The following PDS5B variants were observed in gnomAD, a reference collection of about 807,000 sequenced individuals.
PDS5B encodes the protein sister chromatid cohesion protein PDS5 homolog B.
A neutral mutation model predicts 184.1 loss-of-function variants in PDS5B; 51 were observed. The observed-to-expected ratio is 0.28, with a 90% confidence interval of 0.22 to 0.35. The LOEUF (loss-of-function observed/expected upper bound fraction) is 0.35. Ranked by LOEUF, PDS5B falls within the 10% of genes least tolerant of loss-of-function variation. The pLI is 1.00. For missense variants in PDS5B, 1,180 were observed against 1,723.3 expected (o/e 0.68, Z 5.58); for synonymous variants, 566 against 569.2 (o/e 0.99, Z 0.08).
At chr13:32,735,380 A>G (rs754168721) in intron 21 of PDS5B, 50 bp downstream of exon 21, 4 of 1,294,312 alleles carry the variant, frequency 3.1e-6, no homozygotes, top group East Asian at 2.4e-5. Flanking sequence ...AACTTTTGCA[A>G]TTTTATCCAA....
chr13:32,657,157 T>C (rs1217116089), intron 3 of PDS5B, among the ~76,000 whole-genome samples: 1 of 152,208 alleles, frequency 6.6e-6, no homozygotes, highest in East Asian at 1.9e-4. Context: ...AATAATCTAA[T>C]TCTGTCAGTG....
intron 17 of PDS5B, among the ~76,000 whole-genome samples, chr13:32,704,469 C>T (rs897893590): frequency 3.3e-5 from 5 of 152,356 alleles, no homozygotes; most frequent in African/African-American, 1.2e-4. Flanking sequence ...GTGCCCCGGC[C>T]TTGACCCAGT....
intron 17 of PDS5B, among the ~76,000 whole-genome samples, chr13:32,705,649 T>C (rs1470438503): frequency 6.6e-6 from 1 of 152,204 alleles, no homozygotes; most frequent in Non-Finnish European, 1.5e-5. Flanking sequence ...GTATAAATGA[T>C]TATTTTAGAT....
chr13:32,659,075 A>T, intron 5 of PDS5B, 79 bp from the exon 6 acceptor site: 1 of 1,003,382 alleles, frequency 1.0e-6, no homozygotes, highest in East Asian at 2.7e-5. Flanking sequence ...TGTAAAGCAT[A>T]ATGCTTGTCA....
At chr13:32,702,635 G>C (rs904977401) in intron 17 of PDS5B, among the ~76,000 whole-genome samples, 1 of 152,132 alleles carries the variant, frequency 6.6e-6, no homozygotes, top group African/African-American at 2.4e-5. Context: ...TGTTTTTATA[G>C]AAGTGCCATT....
chr13:32,613,575 T>A (rs2058174105), intron 1 of PDS5B, among the ~76,000 whole-genome samples: 1 of 152,220 alleles, frequency 6.6e-6, no homozygotes, highest in Non-Finnish European at 1.5e-5. Flanking sequence ...TGCCCATTTT[T>A]AAATTGGGTC....
At position 32,620,675 on chromosome 13, in the gene PDS5B, A is replaced by T. The variant is rs1361271693; in HGVS notation, c.-19-28079A>T. ...CCGTCTCAAAAAAAAAAAAAAAAAA[A>T]GTGGTAGTGATAACGGGATTCTGAT... On this transcript the variant is annotated intron_variant, in intron 1 of 34. Transcript: ENST00000315596. 2.0e-5 allele frequency among the ~76,000 whole-genome samples: 3 copies of T among 148,958 alleles called. No individual in the cohort carries two copies. In the East Asian group the frequency reaches 5.8e-4, roughly 29 times the overall value.
At chr13:32,610,511 C>G (rs1488677584) in intron 1 of PDS5B, among the ~76,000 whole-genome samples, 1 of 152,146 alleles carries the variant, frequency 6.6e-6, no homozygotes, top group Non-Finnish European at 1.5e-5. Flanking sequence ...CATAATAATC[C>G]TGTAATACTG....
chr13:32,622,997 A>C (rs1000452723), intron 1 of PDS5B, among the ~76,000 whole-genome samples: 1 of 152,156 alleles, frequency 6.6e-6, no homozygotes, highest in African/African-American at 2.4e-5. Context: ...AGGGTTTTTA[A>C]GGGTGGTTTG....
chr13:32,692,801 C>A (rs564712482), intron 13 of PDS5B, among the ~76,000 whole-genome samples: 1 of 151,894 alleles, frequency 6.6e-6, no homozygotes, highest in Non-Finnish European at 1.5e-5. Context: ...TAAACAGGCA[C>A]AGATTGCCTT....
intron 1 of PDS5B, among the ~76,000 whole-genome samples, chr13:32,592,750 T>C (rs558114511): frequency 6.6e-6 from 1 of 152,304 alleles, no homozygotes; most frequent in East Asian, 1.9e-4. Flanking sequence ...TCCTATGATA[T>C]ATCAGGATGT....
At chr13:32,625,051 A>G (rs2058350252) in intron 1 of PDS5B, among the ~76,000 whole-genome samples, 1 of 152,040 alleles carries the variant, frequency 6.6e-6, no homozygotes, top group Non-Finnish European at 1.5e-5. Flanking sequence ...ATACAGTATT[A>G]ATATATATAT....
At position 32,775,095 on chromosome 13, in the gene PDS5B, A is replaced by AAAT; in HGVS notation, c.*43_*44insAAT. The AAAT allele has an allele frequency of 3.7e-6, 2 of 547,604 alleles. No homozygotes were observed. Among genetic ancestry groups the AAAT allele is most frequent in the Non-Finnish European group, 5.1e-6 (2 of 388,720 alleles). The allele number at this position is 547,604 out of a possible 1,614,324, so 33.9% of individuals were successfully genotyped here. A position where few individuals can be genotyped will look rare whatever the true frequency, so the allele number is the denominator to read the frequency against. On this transcript the variant is annotated 3_prime_UTR_variant, in exon 35 of 35. Transcript: ENST00000315596. Reference sequence around the variant, plus strand: ...CTTTCTCTGTGAAAGCTTTGGAAAAATCTTTTTTTTTTTTTTTGGTCAAGC... The same window carrying AAAT: ...CTTTCTCTGTGAAAGCTTTGGAAAAAAATTCTTTTTTTTTTTTTTTGGTCAAGC...
chr13:32,613,818 G>T (rs1270899763), intron 1 of PDS5B, among the ~76,000 whole-genome samples: 1 of 152,090 alleles, frequency 6.6e-6, no homozygotes, highest in African/African-American at 2.4e-5. Context: ...CTAATCTAGG[G>T]TTGTAAGGAT....
intron 13 of PDS5B, chr13:32,691,179 A>G (rs1233752380): frequency 6.6e-6 from 1 of 152,020 alleles, no homozygotes; most frequent in African/African-American, 2.4e-5. Context: ...TTTAACATAT[A>G]CATGTATATG....
At chr13:32,712,995 T>G (rs537205152) in intron 19 of PDS5B, among the ~76,000 whole-genome samples, 2 of 152,344 alleles carry the variant, frequency 1.3e-5, no homozygotes, top group South Asian at 4.1e-4. Context: ...TGTCTCAGCT[T>G]GTCTCTCAGG....
rs553351329 is a variant in PDS5B, at chr13:32,627,804, G to A, written c.-19-20950G>A. 3.3e-5 allele frequency among the ~76,000 whole-genome samples: 5 copies of A among 152,260 alleles called. No individual in the cohort carries two copies. In the East Asian group the frequency reaches 5.8e-4, roughly 18 times the overall value. On this transcript the variant is annotated intron_variant, in intron 1 of 34. Coordinates refer to ENST00000315596, the MANE Select transcript of PDS5B (RefSeq NM_015032.4). ...GGATGAGGATAGAGATGAGAGTTGG[G>A]TCATCTAATTGATTTCTTGCATACC...
intron 19 of PDS5B, among the ~76,000 whole-genome samples, chr13:32,717,942 A>G (rs1232179960): frequency 6.8e-6 from 1 of 146,070 alleles, no homozygotes; most frequent in Non-Finnish European, 1.5e-5. Flanking sequence ...TCTTACTAAT[A>G]TGTGATTTTT....
At chr13:32,603,481 C>G (rs2058010329) in intron 1 of PDS5B, among the ~76,000 whole-genome samples, 1 of 152,166 alleles carries the variant, frequency 6.6e-6, no homozygotes, top group Non-Finnish European at 1.5e-5. Context: ...CAGTACCATG[C>G]TGGTTTGGTT....
Sources: gnomAD v4.1 joint callset for allele counts (sites outside exome capture counted in the v4.1 genomes callset) on GRCh38, gnomAD v4.1.1 for gene constraint, MANE v1.5 for transcripts, NCBI Gene and HGNC (gene_info 2026-07-23, HGNC 2026-07-21) for gene names.